Variants in LMO7 observed in about 807,000 individuals in gnomAD.
The protein encoded by LMO7 is LIM domain only protein 7.
LMO7 carries 120 observed loss-of-function variants against 206.5 expected under a neutral mutation model. The ratio of observed to expected loss-of-function variants is 0.58; its 90% CI spans 0.50 to 0.68. The LOEUF (loss-of-function observed/expected upper bound fraction) is 0.68, where lower values mean the gene tolerates loss of function less well. Among genes scored for constraint, LMO7 ranks in the 30% least tolerant of loss-of-function variants. The pLI is 0.00. For missense variants in LMO7, 1,959 were observed against 1,957.9 expected (o/e 1.00, Z -0.01); for synonymous variants, 706 against 681.5 (o/e 1.04, Z -0.56).
intron 1 of LMO7, among the ~76,000 whole-genome samples, chr13:75,697,466 T>C (rs921738338): frequency 6.6e-6 from 1 of 152,100 alleles, no homozygotes; most frequent in East Asian, 1.9e-4. Context: ...AACCATCAGA[T>C]CTCATGAGAC....
intron 2 of LMO7, among the ~76,000 whole-genome samples, chr13:75,723,502 A>T (rs1159308632): frequency 6.6e-6 from 1 of 152,210 alleles, no homozygotes; most frequent in Non-Finnish European, 1.5e-5. Context: ...AAGCTTTCTG[A>T]TAAAGGGAAA....
intron 3 of LMO7, among the ~76,000 whole-genome samples, chr13:75,751,324 C>G (rs918372407): frequency 2.0e-4 from 31 of 151,720 alleles, no homozygotes; most frequent in Admixed American, 1.4e-3. Context: ...CCAGGCCTGG[C>G]TAATTATTTG....
At chr13:75,783,381 G>A (rs1413556158) in intron 4 of LMO7, among the ~76,000 whole-genome samples, 1 of 152,104 alleles carries the variant, frequency 6.6e-6, no homozygotes. Flanking sequence ...AGCATGCAGT[G>A]GTGCGATTTT....
intron 11 of LMO7, among the ~76,000 whole-genome samples, chr13:75,812,305 A>T (rs2141184546): frequency 6.6e-6 from 1 of 152,342 alleles, no homozygotes; most frequent in East Asian, 1.9e-4. Flanking sequence ...ATTATAGTGT[A>T]TGGTAATTCC....
intron 1 of LMO7, among the ~76,000 whole-genome samples, chr13:75,683,924 T>A (rs1396634881): frequency 6.6e-6 from 1 of 152,190 alleles, no homozygotes; most frequent in Admixed American, 6.5e-5. Flanking sequence ...CAAGGTTTTA[T>A]GCAGATGAAG....
At chr13:75,670,966 C>CT (rs552236505) in intron 1 of LMO7, among the ~76,000 whole-genome samples, 11,702 of 100,086 alleles carry the variant, frequency 0.12, 806 homozygotes, top group Admixed American at 0.23. Flanking sequence ...ATGTTTAAAA[C>CT]TTTTTTTTTT....
chr13:75,693,581 T>C (rs1009680599), intron 1 of LMO7, among the ~76,000 whole-genome samples: 1 of 152,210 alleles, frequency 6.6e-6, no homozygotes, highest in African/African-American at 2.4e-5. Flanking sequence ...TTCCAGGACA[T>C]AGGGTAATTA....
At chr13:75,692,917 G>A (rs2139650063) in intron 1 of LMO7, among the ~76,000 whole-genome samples, 1 of 152,324 alleles carries the variant, frequency 6.6e-6, no homozygotes, top group East Asian at 1.9e-4. Flanking sequence ...CAAATGTGAA[G>A]CAGTGCGGAA....
At chr13:75,658,727 G>A (rs528330510) in intron 1 of LMO7, among the ~76,000 whole-genome samples, 1 of 151,972 alleles carries the variant, frequency 6.6e-6, no homozygotes, top group African/African-American at 2.4e-5. Context: ...GGGACTACAG[G>A]CGCCCACCAC....
intron 3 of LMO7, among the ~76,000 whole-genome samples, chr13:75,744,176 C>G (rs542779328): frequency 3.3e-5 from 5 of 152,202 alleles, no homozygotes; most frequent in African/African-American, 1.2e-4. Flanking sequence ...TCTTCCATTC[C>G]CAATTAAAGG....
In LMO7 at chr13:75,844,023, C is replaced by T. The variant is rs543611837; in HGVS notation, c.4097+1107C>T. ...CTGTAAATCATTAAAATGTTTATCT[C>T]CTTTTAAAAGTTATGGATTTACTTA... On this transcript the variant is annotated intron_variant, in intron 25 of 30. Coordinates refer to ENST00000377534, the MANE Select transcript of LMO7 (RefSeq NM_001306080.2). Among the ~76,000 whole-genome samples, 10 of 152,196 alleles carry T rather than the reference C, an allele frequency of 6.6e-5. No individual in the cohort carries two copies. The South Asian group carries it at 1.5e-3, about 22-fold the overall frequency.
intron 4 of LMO7, among the ~76,000 whole-genome samples, chr13:75,762,517 C>T (rs1434535857): frequency 2.0e-5 from 3 of 152,078 alleles, no homozygotes; most frequent in Non-Finnish European, 2.9e-5. Context: ...TTTGAGTAGG[C>T]TAAAGACTAG....
rs763496613 is a variant in LMO7, at chr13:75,834,395, T to A, written c.3226+8T>A. 4.4e-6 allele frequency: 7 copies of A among 1,577,112 alleles called. No individual in the cohort carries two copies. In the South Asian group the frequency reaches 8.3e-5, roughly 19 times the overall value. On this transcript the variant is annotated splice_region_variant and intron_variant, in intron 17 of 30. Coordinates refer to ENST00000377534, the MANE Select transcript of LMO7 (RefSeq NM_001306080.2). ...GGCGCTATGGAAAGGCTGGTGAGTTTGTGTTACCACCATGTCTGGCATTTG... is the reference window on the plus strand; with the variant it reads ...GGCGCTATGGAAAGGCTGGTGAGTTAGTGTTACCACCATGTCTGGCATTTG...
chr13:75,856,151 G>A (rs2060918438), intron 29 of LMO7, among the ~76,000 whole-genome samples: 2 of 152,254 alleles, frequency 1.3e-5, no homozygotes, highest in East Asian at 3.9e-4. Context: ...GGAGTGCCAG[G>A]GCCCAGCCTT....
intron 6 of LMO7, among the ~76,000 whole-genome samples, 193 bp downstream of exon 6, chr13:75,796,942 G>T (rs2054093870): frequency 6.6e-6 from 1 of 152,176 alleles, no homozygotes; most frequent in Admixed American, 6.5e-5. Flanking sequence ...CACCACCAAG[G>T]AGTCAGTTGG....
intron 4 of LMO7, among the ~76,000 whole-genome samples, chr13:75,776,166 T>TATATATATATATATAC (rs2050400913): frequency 3.0e-5 from 1 of 33,440 alleles, no homozygotes; most frequent in Non-Finnish European, 5.8e-5. Flanking sequence ...ATATCGGATA[T>TATATATATATATATAC]ATATATATAT....
intron 1 of LMO7, among the ~76,000 whole-genome samples, chr13:75,669,398 T>C (rs562326038): frequency 3.3e-5 from 5 of 152,110 alleles, no homozygotes; most frequent in Non-Finnish European, 7.4e-5. Context: ...CAAATCTGTA[T>C]GTTATCCGCA....
intron 1 of LMO7, among the ~76,000 whole-genome samples, chr13:75,691,404 G>A (rs1470991835): frequency 6.6e-6 from 1 of 152,190 alleles, no homozygotes; most frequent in African/African-American, 2.4e-5. Flanking sequence ...TGACTTAACA[G>A]TAAACAACCT....
At chr13:75,715,009 A>G (rs973847351) in intron 2 of LMO7, among the ~76,000 whole-genome samples, 2 of 152,222 alleles carry the variant, frequency 1.3e-5, no homozygotes, top group African/African-American at 2.4e-5. Flanking sequence ...ACAAAAGCAT[A>G]TATCTCGAAT....
Sources: allele counts gnomAD v4.1 joint callset (sites outside exome capture counted in the v4.1 genomes callset), GRCh38; gene constraint gnomAD v4.1.1; transcripts MANE v1.5; gene names NCBI Gene and HGNC (gene_info 2026-07-23, HGNC 2026-07-21).